Variants in STPG2 observed in about 807,000 individuals in gnomAD.
STPG2 encodes the protein sperm-tail PG-rich repeat-containing protein 2.
In STPG2, 56 loss-of-function variants were observed where a neutral mutation model predicts 54.2. The observed-to-expected ratio is 1.03, with a 90% CI of 0.83 to 1.29. STPG2 has a LOEUF of 1.29. Ranked by LOEUF, STPG2 falls within the 50% of genes most tolerant of loss-of-function variation. The probability of loss-of-function intolerance (pLI) is 0.00; values close to 1 mark genes in which losing one functional copy is unlikely to be tolerated. For synonymous variants in STPG2, 200 were observed against 181.8 expected, an observed-to-expected ratio of 1.10 and a Z score of -0.81; for missense variants, 596 against 544.9, an observed-to-expected ratio of 1.09 and a Z score of -0.93.
At chr4:97,888,076 A>T (rs973379668) in intron 8 of STPG2, among the ~76,000 whole-genome samples, 1 of 152,166 alleles carries the variant, frequency 6.6e-6, no homozygotes, top group Admixed American at 6.5e-5. Flanking sequence ...GATTTCAGAG[A>T]ATATATGGAA....
At chr4:97,553,758 C>A (rs1384188707) in intron 4 of STPG2, among the ~76,000 whole-genome samples, 2 of 152,140 alleles carry the variant, frequency 1.3e-5, no homozygotes. Context: ...CAACAGCAGG[C>A]AGCTCTGATT....
intron 10 of STPG2, among the ~76,000 whole-genome samples, chr4:97,606,597 G>A (rs1733599231): frequency 6.6e-6 from 1 of 151,794 alleles, no homozygotes; most frequent in African/African-American, 2.4e-5. Flanking sequence ...GTCATTCACT[G>A]GCTGTTTTTA....
At chr4:97,695,088 C>A (rs369745405) in intron 10 of STPG2, among the ~76,000 whole-genome samples, 10 of 138,452 alleles carry the variant, frequency 7.2e-5, no homozygotes, top group South Asian at 2.3e-4. Context: ...AAAAATCCTC[C>A]AAAAAAAAAA....
chr4:97,613,399 C>A (rs1004402840), intron 10 of STPG2, among the ~76,000 whole-genome samples: 2 of 151,640 alleles, frequency 1.3e-5, no homozygotes, highest in Non-Finnish European at 2.9e-5. Context: ...AGGTGAAATG[C>A]CCTTATTATC....
chr4:97,566,481 G>A (rs559561531), intron 10 of STPG2, among the ~76,000 whole-genome samples: 8 of 152,236 alleles, frequency 5.3e-5, no homozygotes, highest in South Asian at 2.1e-4. Flanking sequence ...CTAGTGAGAC[G>A]AACCCGGTAC....
At chr4:97,915,951 G>A (rs1731858070) in intron 8 of STPG2, among the ~76,000 whole-genome samples, 1 of 152,162 alleles carries the variant, frequency 6.6e-6, no homozygotes, top group South Asian at 2.1e-4. Context: ...GAAGGTCACT[G>A]GTGATAGCAG....
chr4:97,629,082 A>C (rs1358526740), intron 10 of STPG2, among the ~76,000 whole-genome samples: 1 of 151,994 alleles, frequency 6.6e-6, no homozygotes, highest in Non-Finnish European at 1.5e-5. Context: ...TCAGTAGGTT[A>C]ACTACCTTAA....
intron 5 of STPG2, among the ~76,000 whole-genome samples, chr4:98,011,695 AT>A (rs1321755976): frequency 6.6e-6 from 1 of 152,084 alleles, no homozygotes; most frequent in Non-Finnish European, 1.5e-5. Flanking sequence ...TTTGATTTTC[AT>A]TTCTCTAATG....
chr4:97,858,404 T>C (rs1729399646), intron 8 of STPG2, among the ~76,000 whole-genome samples: 1 of 152,132 alleles, frequency 6.6e-6, no homozygotes, highest in South Asian at 2.1e-4. Flanking sequence ...CATATTATTA[T>C]TTTATTTTAT....
At chr4:97,883,182 C>T (rs1433400963) in intron 8 of STPG2, among the ~76,000 whole-genome samples, 1 of 150,824 alleles carries the variant, frequency 6.6e-6, no homozygotes, top group Non-Finnish European at 1.5e-5. Flanking sequence ...CACATATATA[C>T]ATATATGTAT....
At chr4:97,992,432 T>C (rs1039606253) in intron 5 of STPG2, among the ~76,000 whole-genome samples, 4 of 152,152 alleles carry the variant, frequency 2.6e-5, no homozygotes, top group Non-Finnish European at 5.9e-5. Context: ...TATTTCTAGG[T>C]TCTCTATTCT....
chr4:97,774,709 T>TCA (rs1454711282), intron 9 of STPG2, among the ~76,000 whole-genome samples: 2 of 152,290 alleles, frequency 1.3e-5, no homozygotes, highest in East Asian at 1.9e-4. Context: ...TAACTCATTC[T>TCA]CACACACACA....
chr4:97,563,032 T>G (rs1311285775), intron 10 of STPG2, among the ~76,000 whole-genome samples: 3 of 152,180 alleles, frequency 2.0e-5, no homozygotes, highest in Non-Finnish European at 4.4e-5. Flanking sequence ...AGTTCCTCCT[T>G]GTACCTCTGG....
intron 4 of STPG2, among the ~76,000 whole-genome samples, chr4:97,499,669 T>A (rs2148832445): frequency 6.6e-6 from 1 of 151,722 alleles, no homozygotes; most frequent in South Asian, 2.1e-4. Context: ...GGGAAAGGGG[T>A]TCCAATTTTT....
At chr4:97,943,242 C>T (rs1211997603) in intron 8 of STPG2, among the ~76,000 whole-genome samples, 2 of 152,124 alleles carry the variant, frequency 1.3e-5, no homozygotes, top group African/African-American at 2.4e-5. Context: ...ATACCATCAC[C>T]TTGGGAGTTA....
At chr4:97,689,205 A>G (rs1231160209) in intron 10 of STPG2, among the ~76,000 whole-genome samples, 27 of 152,152 alleles carry the variant, frequency 1.8e-4, no homozygotes, top group Admixed American at 1.8e-3. Flanking sequence ...AACTTTTTGT[A>G]TTTATAAAAA....
At chr4:98,073,685 C>A (rs1738074813) in intron 5 of STPG2, among the ~76,000 whole-genome samples, 1 of 152,118 alleles carries the variant, frequency 6.6e-6, no homozygotes, top group Non-Finnish European at 1.5e-5. Flanking sequence ...CAAGATCGTG[C>A]CATTGCACTC....
chr4:97,564,925 T>A (rs925581339), intron 10 of STPG2, among the ~76,000 whole-genome samples: 2 of 152,206 alleles, frequency 1.3e-5, no homozygotes, highest in Admixed American at 6.5e-5. Flanking sequence ...GAGTTGCTCT[T>A]CTCGAGGAGT....
chr4:97,908,862 T>C (rs374229374), intron 8 of STPG2, among the ~76,000 whole-genome samples: 1 of 126,318 alleles, frequency 7.9e-6, no homozygotes, highest in East Asian at 2.6e-4. Flanking sequence ...CTGGGGACTG[T>C]TGTGGGGTTG....
Sources: gnomAD v4.1 joint callset for allele counts (sites outside exome capture counted in the v4.1 genomes callset) on GRCh38, gnomAD v4.1.1 for gene constraint, MANE v1.5 for transcripts, NCBI Gene and HGNC (gene_info 2026-07-23, HGNC 2026-07-21) for gene names.